The following PHF2 variants were observed in gnomAD, a reference collection of about 807,000 sequenced individuals.
PHF2 encodes lysine-specific demethylase PHF2.
Under a neutral mutation model 120.5 loss-of-function variants are expected in PHF2, and 27 were observed. The observed-to-expected ratio is 0.22, with a 90% CI of 0.17 to 0.31. PHF2 has a LOEUF of 0.31. PHF2 is among the 10% of genes least tolerant of loss of function. PHF2 has a pLI of 1.00. For synonymous variants in PHF2, 568 were observed against 592.5 expected (o/e 0.96, Z 0.60); for missense variants, 1,024 against 1,434.8 (o/e 0.71, Z 4.63).
intron 3 of PHF2, among the ~76,000 whole-genome samples, chr9:93,643,464 C>T (rs76206046): frequency 0.013 from 2,006 of 152,266 alleles, 37 homozygotes; most frequent in African/African-American, 0.043. Flanking sequence ...TCTTCCTCAC[C>T]GTCTAGTCCC....
intron 2 of PHF2, among the ~76,000 whole-genome samples, chr9:93,630,512 C>T (rs986126853): frequency 3.3e-5 from 5 of 152,212 alleles, no homozygotes; most frequent in Non-Finnish European, 7.3e-5. Flanking sequence ...TTTTCCAGCC[C>T]CGCCTCATGC....
intron 18 of PHF2, among the ~76,000 whole-genome samples, chr9:93,674,637 A>G (rs1826874348): frequency 6.6e-6 from 1 of 152,148 alleles, no homozygotes; most frequent in East Asian, 1.9e-4. Flanking sequence ...AGGGGCTTGC[A>G]GGCACTGGGG....
At chr9:93,642,867 A>G (rs1826192587) in intron 3 of PHF2, among the ~76,000 whole-genome samples, 1 of 152,184 alleles carries the variant, frequency 6.6e-6, no homozygotes, top group South Asian at 2.1e-4. Flanking sequence ...TAGTGCATCC[A>G]TTGAGTTTAA....
Position 93,662,096 on chromosome 9 carries a change from CAAATGGGTGGGTGGATGAAT to C in PHF2, c.1699-804_1699-785del, listed in dbSNP as rs913706671. Among the ~76,000 whole-genome samples the C allele has an allele frequency of 1.5e-3, 203 of 136,956 alleles. 1 individual carries two copies. Among genetic ancestry groups the C allele is most frequent in the Non-Finnish European group, 2.1e-4 (13 of 62,920 alleles). 89.8% of individuals were successfully genotyped at this position (136,956 alleles called of 152,430 possible). On this transcript the variant is annotated intron_variant, in intron 12 of 21. Transcript: ENST00000359246. ...TTGGGTGGATGAATGGATGGATGAA[CAAATGGGTGGGTGGATGAAT>C]AAATGGATGAATGAATGGATGGATG... is the stretch of plus-strand genomic sequence containing the variant.
intron 14 of PHF2, 75 bp from the exon 15 acceptor site, chr9:93,665,610 AC>A (rs1375794575): frequency 6.6e-7 from 1 of 1,504,632 alleles, no homozygotes; most frequent in Non-Finnish European, 9.0e-7. Flanking sequence ...CTGGCAGAGG[AC>A]CCCTCGGGAG....
intron 4 of PHF2, among the ~76,000 whole-genome samples, chr9:93,648,461 C>T (rs980213809): frequency 6.6e-6 from 1 of 152,226 alleles, no homozygotes; most frequent in Non-Finnish European, 1.5e-5. Context: ...CACTAAACCC[C>T]ATGGCCTTGC....
intron 1 of PHF2, among the ~76,000 whole-genome samples, chr9:93,605,478 C>A (rs528709692): frequency 6.6e-6 from 1 of 152,342 alleles, no homozygotes; most frequent in African/African-American, 2.4e-5. Flanking sequence ...AGAGTTTCAT[C>A]TAAAGTCCTC....
At chr9:93,591,851 T>G (rs2131605805) in intron 1 of PHF2, among the ~76,000 whole-genome samples, 1 of 152,352 alleles carries the variant, frequency 6.6e-6, no homozygotes, top group African/African-American at 2.4e-5. Context: ...CCCCAGATGC[T>G]TGGCCGTTGC....
chr9:93,582,646 C>A (rs993519519), intron 1 of PHF2, among the ~76,000 whole-genome samples: 1 of 152,224 alleles, frequency 6.6e-6, no homozygotes, highest in Non-Finnish European at 1.5e-5. Context: ...ACCCCCCCGC[C>A]ACCATAGTGC....
chr9:93,576,951 G>T lies in PHF2; in HGVS notation c.98+80G>T, dbSNP rs1159258818. On this transcript the variant is annotated intron_variant, in intron 1 of 21. Coordinates refer to ENST00000359246, the MANE Select transcript of PHF2 (RefSeq NM_005392.4). ...GACCGAGCCCCGCGCCCCCGGCTGC[G>T]CGCCCGCAGGCCCGGCTCGGGGACG... 33 of 536,120 alleles carry T rather than the reference G, an allele frequency of 6.2e-5. 1 individual carries two copies. The highest frequency in any genetic ancestry group is 1.8e-3 in the Middle Eastern group (2 of 1,142). The allele number at this position is 536,120 out of a possible 1,614,324, so 33.2% of individuals were successfully genotyped here.
intron 9 of PHF2, among the ~76,000 whole-genome samples, chr9:93,657,375 C>A (rs1826479791): frequency 6.6e-6 from 1 of 152,138 alleles, no homozygotes; most frequent in Non-Finnish European, 1.5e-5. Flanking sequence ...CACTGTTCCC[C>A]AAATCTGGAG....
chr9:93,594,377 C>T (rs978032800), intron 1 of PHF2, among the ~76,000 whole-genome samples: 1 of 152,226 alleles, frequency 6.6e-6, no homozygotes, highest in African/African-American at 2.4e-5. Context: ...CATTCCAGGT[C>T]GGGGCGGCTC....
chr9:93,665,971 C>A lies in PHF2; in HGVS notation c.2117-19C>A, dbSNP rs766192904. 6.2e-7 allele frequency: 1 copy of A among 1,613,184 alleles called. No individual in the cohort carries two copies. Among genetic ancestry groups the A allele is most frequent in the Non-Finnish European group, 8.5e-7 (1 of 1,179,590 alleles). The stretch of plus-strand genomic sequence containing the variant: ...CCCCGCAAGGCCTCCCGCTGGACTG[C>A]CATCTGCTGTGCTTTCAGTCTTGTT... On this transcript the variant is annotated intron_variant, in intron 15 of 21. Coordinates refer to ENST00000359246, the MANE Select transcript of PHF2 (RefSeq NM_005392.4).
At position 93,674,813 on chromosome 9, in the gene PHF2, G is replaced by T. The variant is rs1587724375; in HGVS notation, c.2627-114G>T. 5 of 714,230 alleles carry T rather than the reference G, an allele frequency of 7.0e-6. No individual in the cohort carries two copies. The East Asian group carries it at 1.3e-4, about 18-fold the overall frequency. 44.2% of individuals were successfully genotyped at this position (714,230 alleles called of 1,614,324 possible). A position where few individuals can be genotyped will look rare whatever the true frequency, so the allele number is the denominator to read the frequency against. On this transcript the variant is annotated intron_variant, in intron 18 of 21. Coordinates refer to ENST00000359246, the MANE Select transcript of PHF2 (RefSeq NM_005392.4). ...GTGACACAGCGTGGCAGGCCTTAGT[G>T]TAGGCCCTGGGGTTGCTGGCGAGGA...
intron 7 of PHF2, 59 bp from the exon 8 acceptor site, chr9:93,655,875 A>G: frequency 7.6e-7 from 1 of 1,310,062 alleles, no homozygotes. Context: ...ATCTAGAGCC[A>G]TGAGAAGCCC....
chr9:93,663,956 C>T (rs955432498), intron 14 of PHF2, among the ~76,000 whole-genome samples: 1 of 152,230 alleles, frequency 6.6e-6, no homozygotes, highest in East Asian at 1.9e-4. Context: ...ACATCCCTGC[C>T]TCCCACCACG....
intron 1 of PHF2, among the ~76,000 whole-genome samples, chr9:93,590,070 T>C (rs1825177760): frequency 6.6e-6 from 1 of 152,234 alleles, no homozygotes; most frequent in African/African-American, 2.4e-5. Context: ...CTGGATATAT[T>C]CAAATAAGTA....
intron 1 of PHF2, among the ~76,000 whole-genome samples, chr9:93,594,581 G>C (rs1322686405): frequency 6.6e-6 from 1 of 152,224 alleles, no homozygotes; most frequent in African/African-American, 2.4e-5. Context: ...GGACCCCACA[G>C]GCTGTGTGAA....
intron 17 of PHF2, among the ~76,000 whole-genome samples, chr9:93,673,025 G>A (rs116070686): frequency 0.016 from 2,357 of 151,944 alleles, 62 homozygotes; most frequent in African/African-American, 0.053. Context: ...TAAAGGTGGG[G>A]GTGTGGAGAG....
Sources: allele counts gnomAD v4.1 joint callset (sites outside exome capture counted in the v4.1 genomes callset), GRCh38; gene constraint gnomAD v4.1.1; transcripts MANE v1.5; gene names NCBI Gene and HGNC (gene_info 2026-07-23, HGNC 2026-07-21).